KLHL2: variants seen among roughly 807,000 people sequenced by gnomAD.
KLHL2 encodes the protein kelch-like protein 2.
A neutral mutation model predicts 75.8 loss-of-function variants in KLHL2; 15 were observed. The observed-to-expected ratio is 0.20, with a 90% CI of 0.13 to 0.30. KLHL2 has a LOEUF of 0.30. KLHL2 is among the 10% of genes least tolerant of loss of function. The pLI, the probability that KLHL2 is intolerant of heterozygous loss-of-function variation, is 1.00. For synonymous variants in KLHL2, 214 were observed against 251.9 expected, an observed-to-expected ratio of 0.85 and a Z score of 1.42; for missense variants, 381 against 741.0, an observed-to-expected ratio of 0.51 and a Z score of 5.64.
chr4:165,220,896 G>A (rs189965336), intron 2 of KLHL2, among the ~76,000 whole-genome samples: 2 of 152,100 alleles, frequency 1.3e-5, no homozygotes, highest in African/African-American at 2.4e-5. Flanking sequence ...TAATTAAAAG[G>A]GTAATATATG....
intron 3 of KLHL2, among the ~76,000 whole-genome samples, chr4:165,230,767 C>T (rs1398799457): frequency 6.6e-6 from 1 of 152,188 alleles, no homozygotes; most frequent in African/African-American, 2.4e-5. Context: ...ATGTTTTTAG[C>T]TCTCTTTTCT....
chr4:165,321,216 G>A, intron 14 of KLHL2: 1 of 453,936 alleles, frequency 2.2e-6, no homozygotes, highest in Non-Finnish European at 4.4e-6. Flanking sequence ...TGCCTCTCCT[G>A]TTTCCCCTGC....
At chr4:165,264,712 A>G (rs927092005) in intron 5 of KLHL2, among the ~76,000 whole-genome samples, 4,796 of 75,784 alleles carry the variant, frequency 0.063, 136 homozygotes, top group African/African-American at 0.083. Context: ...GTGTATATAT[A>G]TATATATACA....
chr4:165,266,396 A>T (rs1204124211), intron 5 of KLHL2, among the ~76,000 whole-genome samples: 1 of 152,222 alleles, frequency 6.6e-6, no homozygotes, highest in Non-Finnish European at 1.5e-5. Flanking sequence ...GTCTTTGCCC[A>T]TGCCTATGTC....
intron 4 of KLHL2, among the ~76,000 whole-genome samples, chr4:165,255,609 T>G (rs571042820): frequency 6.6e-6 from 1 of 152,274 alleles, no homozygotes; most frequent in South Asian, 2.1e-4. Context: ...TTATTCATAC[T>G]TCTACATCTC....
intron 5 of KLHL2, among the ~76,000 whole-genome samples, chr4:165,263,802 ATTGTTTTTTTTT>A (rs1405349060): frequency 1.4e-4 from 13 of 93,532 alleles, no homozygotes; most frequent in African/African-American, 2.1e-4. Flanking sequence ...GATTTTTTAC[ATTGTTTTTTTTT>A]TTTTTTTTTT....
intron 2 of KLHL2, among the ~76,000 whole-genome samples, chr4:165,223,761 C>T (rs1324451003): frequency 2.0e-5 from 3 of 152,128 alleles, no homozygotes; most frequent in Admixed American, 2.0e-4. Flanking sequence ...CAGATCTTAA[C>T]TCTAAATTTC....
At chr4:165,256,885 G>A (rs2111200878) in intron 4 of KLHL2, among the ~76,000 whole-genome samples, 1 of 152,232 alleles carries the variant, frequency 6.6e-6, no homozygotes, top group Non-Finnish European at 1.5e-5. Context: ...TCATACTGTA[G>A]ATTCTTTTAG....
At chr4:165,263,805 G>GTTTTTTTTTTTTTTTT (rs55901119) in intron 5 of KLHL2, among the ~76,000 whole-genome samples, 2 of 66,482 alleles carry the variant, frequency 3.0e-5, no homozygotes, top group Non-Finnish European at 5.3e-5. Flanking sequence ...TTTTTACATT[G>GTTTTTTTTTTTTTTTT]TTTTTTTTTT....
At chr4:165,230,881 G>C (rs557574869) in intron 3 of KLHL2, among the ~76,000 whole-genome samples, 1 of 152,362 alleles carries the variant, frequency 6.6e-6, no homozygotes, top group South Asian at 2.1e-4. Context: ...GAATATGTGA[G>C]CTTTGCCTAA....
At chr4:165,254,346 T>C (rs1397800090) in intron 4 of KLHL2, among the ~76,000 whole-genome samples, 2 of 152,360 alleles carry the variant, frequency 1.3e-5, no homozygotes, top group Non-Finnish European at 2.9e-5. Context: ...TTTTACTTAA[T>C]TGTTGCCATA....
chr4:165,314,578 ATTT>A (rs1649926532), intron 13 of KLHL2, among the ~76,000 whole-genome samples: 1 of 152,174 alleles, frequency 6.6e-6, no homozygotes, highest in Non-Finnish European at 1.5e-5. Flanking sequence ...TTGAGTAGAT[ATTT>A]ATACTAGGTT....
chr4:165,310,030 G>C (rs1420490835), intron 9 of KLHL2, among the ~76,000 whole-genome samples: 1 of 152,106 alleles, frequency 6.6e-6, no homozygotes, highest in African/African-American at 2.4e-5. Flanking sequence ...CCATGCCATT[G>C]CATTTTTTAA....
At chr4:165,248,571 C>T (rs1052825627) in intron 4 of KLHL2, among the ~76,000 whole-genome samples, 2 of 152,086 alleles carry the variant, frequency 1.3e-5, no homozygotes, top group African/African-American at 4.8e-5. Flanking sequence ...CATCTCCAGG[C>T]CTTAAAGCAG....
intron 6 of KLHL2, 88 bp from the exon 7 acceptor site, chr4:165,297,521 T>A (rs1202444151): frequency 2.6e-6 from 2 of 784,014 alleles, no homozygotes; most frequent in African/African-American, 1.7e-5. Context: ...TAGCAAGAGT[T>A]ATATATAAAA....
At chr4:165,299,322 CTTGAGCATTTT>C (rs1302487687) in intron 7 of KLHL2, among the ~76,000 whole-genome samples, 174 bp from the exon 8 acceptor site, 2 of 152,210 alleles carry the variant, frequency 1.3e-5, no homozygotes, top group Non-Finnish European at 2.9e-5. Context: ...AGGCCAGATA[CTTGAGCATTTT>C]TTGGTTATAT....
chr4:165,283,860 C>T (rs764439927), intron 5 of KLHL2, among the ~76,000 whole-genome samples: 3 of 152,206 alleles, frequency 2.0e-5, no homozygotes. Flanking sequence ...CATCTGAAAT[C>T]GAGGTGGAGG....
At chr4:165,286,678 C>T (rs1353679919) in intron 5 of KLHL2, among the ~76,000 whole-genome samples, 1 of 152,182 alleles carries the variant, frequency 6.6e-6, no homozygotes, top group East Asian at 1.9e-4. Flanking sequence ...TATGCCATAA[C>T]ATAAAGATGT....
chr4:165,234,932 A>C (rs1739210651), intron 3 of KLHL2, among the ~76,000 whole-genome samples: 1 of 152,070 alleles, frequency 6.6e-6, no homozygotes, highest in Admixed American at 6.6e-5. Flanking sequence ...CCATGAGTTC[A>C]AGGCTGCAGT....
Sources: allele counts gnomAD v4.1 joint callset (sites outside exome capture counted in the v4.1 genomes callset), GRCh38; gene constraint gnomAD v4.1.1; transcripts MANE v1.5; gene names NCBI Gene and HGNC (gene_info 2026-07-23, HGNC 2026-07-21).